ANKS1B: variants seen among roughly 807,000 people sequenced by gnomAD.
ANKS1B encodes ankyrin repeat and sterile alpha motif domain-containing protein 1B.
Under a neutral mutation model 148.3 loss-of-function variants are expected in ANKS1B, and 36 were observed. That is an observed-to-expected ratio of 0.24 (90% CI 0.19 to 0.32). ANKS1B has a LOEUF of 0.32. ANKS1B is among the 10% of genes least tolerant of loss of function. The pLI is 1.00. For synonymous variants in ANKS1B, 542 were observed against 560.8 expected (o/e 0.97, Z 0.47); for missense variants, 1,157 against 1,542.6 (o/e 0.75, Z 4.19).
chr12:99,117,278 A>G (rs2061640874), intron 15 of ANKS1B, among the ~76,000 whole-genome samples: 1 of 151,986 alleles, frequency 6.6e-6, no homozygotes, highest in African/African-American at 2.4e-5. Flanking sequence ...TCTTGTGCCC[A>G]TTTTCTAAGG....
chr12:99,130,502 C>T (rs990377566), intron 15 of ANKS1B, among the ~76,000 whole-genome samples: 1 of 152,164 alleles, frequency 6.6e-6, no homozygotes, highest in East Asian at 1.9e-4. Context: ...ATGTTTTATT[C>T]CTTTTTCTGC....
chr12:99,108,881 C>T (rs113864320), intron 15 of ANKS1B, among the ~76,000 whole-genome samples: 7 of 152,064 alleles, frequency 4.6e-5, no homozygotes, highest in African/African-American at 7.2e-5. Flanking sequence ...GATGAGAACT[C>T]GAGAGACATG....
intron 17 of ANKS1B, among the ~76,000 whole-genome samples, chr12:98,840,046 C>G (rs887197855): frequency 3.3e-5 from 5 of 152,162 alleles, no homozygotes; most frequent in African/African-American, 1.2e-4. Context: ...CAAAGGTGAT[C>G]TCTAAGATCT....
At chr12:99,154,954 G>T in intron 14 of ANKS1B, 2 of 1,535,386 alleles carry the variant, frequency 1.3e-6, no homozygotes, top group Non-Finnish European at 1.7e-6. Flanking sequence ...TGCTGCTGCT[G>T]CTTCCTCCTA....
Position 98,801,211 on chromosome 12 carries a change from G to A in ANKS1B, c.3142-86C>T. ...CTACCCTGAGCTCACCTTACACACA[G>A]GTGCTGTGAATGTACCAAAATGCAT... On this transcript the variant is annotated intron_variant, in intron 20 of 26. Transcript: ENST00000683438. This position sits in a 1 kb window ranked among gnomAD's most constrained non-coding sequence, Gnocchi z 5.2. 7.0e-7 allele frequency: 1 copy of A among 1,421,482 alleles called. No homozygotes were observed. The highest frequency in any genetic ancestry group is 9.5e-7 in the Non-Finnish European group (1 of 1,048,250). 88.1% of individuals were successfully genotyped at this position (1,421,482 alleles called of 1,614,324 possible).
At chr12:98,795,046 TA>T (rs1202933939) in intron 22 of ANKS1B, 3 of 664,344 alleles carry the variant, frequency 4.5e-6, no homozygotes, top group Non-Finnish European at 8.0e-6. Flanking sequence ...ATTATTAGCT[TA>T]TTTTTTACAT....
chr12:99,433,612 C>G (rs2095413899), intron 11 of ANKS1B, among the ~76,000 whole-genome samples: 1 of 152,088 alleles, frequency 6.6e-6, no homozygotes, highest in South Asian at 2.1e-4. Flanking sequence ...CTGCTATTAA[C>G]TGAAATGCAA....
chr12:99,672,599 A>G (rs2098543259), intron 8 of ANKS1B, among the ~76,000 whole-genome samples: 2 of 152,184 alleles, frequency 1.3e-5, no homozygotes, highest in Admixed American at 6.6e-5. Context: ...AGGTCACCCC[A>G]GCTTCTGAGT....
At chr12:99,980,772 A>G (rs2095689680) in intron 1 of ANKS1B, among the ~76,000 whole-genome samples, 1 of 152,054 alleles carries the variant, frequency 6.6e-6, no homozygotes, top group Non-Finnish European at 1.5e-5. Flanking sequence ...CATCTAAAGA[A>G]CTATCCTGCA....
At chr12:98,765,329 A>T (rs1031379544) in intron 25 of ANKS1B, among the ~76,000 whole-genome samples, 2 of 152,154 alleles carry the variant, frequency 1.3e-5, no homozygotes, top group African/African-American at 4.8e-5. Context: ...CAGTGGCACC[A>T]TCTTGGCTCA....
At chr12:99,832,357 G>A (rs1254817733) in intron 1 of ANKS1B, among the ~76,000 whole-genome samples, 5 of 152,116 alleles carry the variant, frequency 3.3e-5, no homozygotes, top group Non-Finnish European at 7.4e-5. Flanking sequence ...GGTGGCTGAG[G>A]CGGGCGGATC....
At chr12:99,666,794 A>G (rs1045617125) in intron 8 of ANKS1B, among the ~76,000 whole-genome samples, 14 of 152,024 alleles carry the variant, frequency 9.2e-5, no homozygotes, top group African/African-American at 3.4e-4. Context: ...TGCTATATGT[A>G]TAATTGTGAA....
chr12:99,322,739 C>T (rs2085532922), intron 12 of ANKS1B, among the ~76,000 whole-genome samples: 1 of 152,090 alleles, frequency 6.6e-6, no homozygotes, highest in Non-Finnish European at 1.5e-5. Context: ...TTGGCTGTGT[C>T]CCCATCCAAA....
chr12:98,940,329 A>C (rs1445479405), intron 17 of ANKS1B, among the ~76,000 whole-genome samples: 1 of 152,216 alleles, frequency 6.6e-6, no homozygotes, highest in African/African-American at 2.4e-5. Context: ...CACGAAAGGC[A>C]CAGCCTACTG....
chr12:99,766,130 A>C (rs1383055104), intron 8 of ANKS1B, among the ~76,000 whole-genome samples: 1 of 152,224 alleles, frequency 6.6e-6, no homozygotes, highest in Non-Finnish European at 1.5e-5. Context: ...ATTTGCAAGA[A>C]CATATACACT....
intron 1 of ANKS1B, among the ~76,000 whole-genome samples, chr12:99,887,134 G>C (rs1297509997): frequency 6.6e-6 from 1 of 152,172 alleles, no homozygotes; most frequent in Non-Finnish European, 1.5e-5. Flanking sequence ...AACTGAAACA[G>C]TGAAAGGCTC....
At chr12:99,281,189 T>A (rs2078405457) in intron 12 of ANKS1B, among the ~76,000 whole-genome samples, 1 of 152,122 alleles carries the variant, frequency 6.6e-6, no homozygotes, top group African/African-American at 2.4e-5. Context: ...GCAACATGAA[T>A]GAGAAATAAA....
At chr12:99,782,183 T>C in intron 4 of ANKS1B, 86 bp from the exon 5 acceptor site, 1 of 1,052,106 alleles carries the variant, frequency 9.5e-7, no homozygotes. Context: ...ATTTTACATA[T>C]TCATACATAT....
chr12:98,873,309 T>C (rs2099677159), intron 17 of ANKS1B, among the ~76,000 whole-genome samples: 1 of 152,210 alleles, frequency 6.6e-6, no homozygotes, highest in African/African-American at 2.4e-5. Context: ...GACTTACCTT[T>C]GTGGTCATGT....
Sources: gnomAD v4.1 joint callset for allele counts (sites outside exome capture counted in the v4.1 genomes callset) on GRCh38, gnomAD v4.1.1 for gene constraint, Gnocchi (gnomAD v3.1) non-coding constraint, MANE v1.5 for transcripts, NCBI Gene and HGNC (gene_info 2026-07-23, HGNC 2026-07-21) for gene names.